MECOM: variants seen among roughly 807,000 people sequenced by gnomAD.
MECOM encodes MDS1 and EVI1 complex locus.
A neutral mutation model predicts 116.3 loss-of-function variants in MECOM; 13 were observed. The ratio of observed to expected loss-of-function variants is 0.11; its 90% CI spans 0.07 to 0.18. The LOEUF is 0.18. Ranked by LOEUF, MECOM falls within the 10% of genes least tolerant of loss-of-function variation. The pLI, the probability that MECOM is intolerant of heterozygous loss-of-function variation, is 1.00. For missense variants in MECOM, 1,299 were observed against 1,509.0 expected, an observed-to-expected ratio of 0.86 and a Z score of 2.31; for synonymous variants, 528 against 535.2, an observed-to-expected ratio of 0.99 and a Z score of 0.19.
intron 1 of MECOM, among the ~76,000 whole-genome samples, chr3:169,552,924 GTAAA>G (rs1761582750): frequency 6.6e-6 from 1 of 151,908 alleles, no homozygotes; most frequent in South Asian, 2.1e-4. Flanking sequence ...AAATGCCAAG[GTAAA>G]TATCCTATCA....
At chr3:169,476,582 G>C (rs1176406874) in intron 1 of MECOM, among the ~76,000 whole-genome samples, 1 of 152,118 alleles carries the variant, frequency 6.6e-6, no homozygotes, top group Non-Finnish European at 1.5e-5. Context: ...CTCAATGCTT[G>C]ATGCAGATCG....
intron 1 of MECOM, among the ~76,000 whole-genome samples, chr3:169,451,008 T>C (rs1745484592): frequency 6.6e-6 from 1 of 152,210 alleles, no homozygotes. Context: ...GCCTCTGGAA[T>C]ATCACTCAAA....
intron 1 of MECOM, among the ~76,000 whole-genome samples, chr3:169,503,625 A>C (rs534926816): frequency 1.3e-5 from 2 of 152,318 alleles, no homozygotes; most frequent in South Asian, 4.1e-4. Flanking sequence ...AACTTATATC[A>C]ATCAAAATTT....
chr3:169,125,143 G>C (rs148170715), intron 5 of MECOM, among the ~76,000 whole-genome samples: 5 of 152,208 alleles, frequency 3.3e-5, no homozygotes, highest in African/African-American at 9.6e-5. Flanking sequence ...TGATACCTCT[G>C]TGAACAAAAG....
At position 169,208,584 on chromosome 3, in the gene MECOM, T is replaced by C. The variant is rs186382588; in HGVS notation, c.376-64752A>G. Among the ~76,000 whole-genome samples the C allele has an allele frequency of 3.3e-3, 504 of 152,004 alleles. 10 individuals are homozygous for C. Among genetic ancestry groups the C allele is most frequent in the Non-Finnish European group, 6.9e-4 (47 of 67,934 alleles). ...TAGGACATATTTAGGCATATTTTAT[T>C]TAAATTACCTTATATGTTAAAGTAA... On this transcript the variant is annotated intron_variant, in intron 2 of 16. Coordinates refer to ENST00000651503, the MANE Select transcript of MECOM (RefSeq NM_004991.4).
chr3:169,378,530 G>GAAAGA (rs1731765497), intron 2 of MECOM, among the ~76,000 whole-genome samples: 1 of 66,270 alleles, frequency 1.5e-5, no homozygotes, highest in Non-Finnish European at 3.1e-5. Context: ...AAGAAAGAAA[G>GAAAGA]AAAGAAAGAA....
chr3:169,156,067 C>T (rs1349785399), intron 2 of MECOM, among the ~76,000 whole-genome samples: 1 of 152,188 alleles, frequency 6.6e-6, no homozygotes, highest in Non-Finnish European at 1.5e-5. Context: ...ATCCTTCACA[C>T]CAGCATTTTC....
At position 169,280,287 on chromosome 3, in the gene MECOM, T is replaced by G. The variant is rs76823691; in HGVS notation, c.375+100900A>C. On this transcript the variant is annotated intron_variant, in intron 2 of 16. Coordinates refer to ENST00000651503, the MANE Select transcript of MECOM (RefSeq NM_004991.4). ...TAATATGATTACCTTTAACAATCTT[T>G]TTGTGAAATCCAGGCAAATATCCAA... Among the ~76,000 whole-genome samples the G allele has an allele frequency of 2.8e-3, 419 of 152,332 alleles. 1 individual carries two copies. The highest frequency in any genetic ancestry group is 9.5e-3 in the African/African-American group (397 of 41,580).
At chr3:169,513,850 A>G (rs988751994) in intron 1 of MECOM, among the ~76,000 whole-genome samples, 1 of 152,192 alleles carries the variant, frequency 6.6e-6, no homozygotes, top group Non-Finnish European at 1.5e-5. Context: ...AACACCAGGC[A>G]CACCTGCAAC....
intron 1 of MECOM, among the ~76,000 whole-genome samples, chr3:169,604,262 T>C (rs1358265669): frequency 6.6e-6 from 1 of 151,544 alleles, no homozygotes; most frequent in African/African-American, 2.4e-5. Context: ...TCTCTCTCTT[T>C]CTCTCTCTCT....
chr3:169,544,074 G>A (rs530389105), intron 1 of MECOM, among the ~76,000 whole-genome samples: 31 of 152,302 alleles, frequency 2.0e-4, no homozygotes, highest in African/African-American at 6.5e-4. Flanking sequence ...TTTTAGGAGA[G>A]ACGGGGTTTC....
chr3:169,402,268 T>C (rs1736026147), intron 1 of MECOM, among the ~76,000 whole-genome samples: 1 of 152,104 alleles, frequency 6.6e-6, no homozygotes, highest in Non-Finnish European at 1.5e-5. Context: ...AGGACACAGA[T>C]AGAGAGAAGA....
At chr3:169,271,716 C>A (rs957510610) in intron 2 of MECOM, among the ~76,000 whole-genome samples, 6 of 151,944 alleles carry the variant, frequency 3.9e-5, no homozygotes, top group Non-Finnish European at 7.4e-5. Flanking sequence ...ATGTAACAAA[C>A]CTGCACATTG....
intron 2 of MECOM, among the ~76,000 whole-genome samples, chr3:169,148,747 CAGT>C (rs1281869197): frequency 6.6e-6 from 1 of 151,930 alleles, no homozygotes; most frequent in East Asian, 1.9e-4. Flanking sequence ...CGTGTAAATC[CAGT>C]AGAACTATAT....
At chr3:169,244,291 T>C (rs553326815) in intron 2 of MECOM, among the ~76,000 whole-genome samples, 1 of 152,328 alleles carries the variant, frequency 6.6e-6, no homozygotes, top group East Asian at 1.9e-4. Context: ...AATGTTGCCG[T>C]CGTTTACTGC....
At chr3:169,125,784 G>A (rs775616546) in intron 5 of MECOM, among the ~76,000 whole-genome samples, 12 of 152,036 alleles carry the variant, frequency 7.9e-5, no homozygotes, top group Non-Finnish European at 1.0e-4. Flanking sequence ...GTTCTTTTCA[G>A]TTCTTTTCAC....
At chr3:169,422,710 T>C (rs1160073524) in intron 1 of MECOM, among the ~76,000 whole-genome samples, 8 of 152,104 alleles carry the variant, frequency 5.3e-5, no homozygotes, top group African/African-American at 1.4e-4. Context: ...GAGATTCACC[T>C]ACCCAGATCC....
intron 2 of MECOM, among the ~76,000 whole-genome samples, chr3:169,354,152 A>G (rs1389325904): frequency 6.6e-6 from 1 of 152,016 alleles, no homozygotes; most frequent in African/African-American, 2.4e-5. Context: ...AAAAAATTAA[A>G]ATATTGTTAG....
chr3:169,172,275 C>T (rs1454219649), intron 2 of MECOM, among the ~76,000 whole-genome samples: 1 of 151,506 alleles, frequency 6.6e-6, no homozygotes, highest in Non-Finnish European at 1.5e-5. Context: ...TGTTTTTTTA[C>T]AGTTTATTAT....
Sources: gnomAD v4.1 joint callset for allele counts (sites outside exome capture counted in the v4.1 genomes callset) on GRCh38, gnomAD v4.1.1 for gene constraint, MANE v1.5 for transcripts, NCBI Gene and HGNC (gene_info 2026-07-23, HGNC 2026-07-21) for gene names.